The following KANK1 variants were observed in gnomAD, a reference collection of about 807,000 sequenced individuals.
KANK1 encodes the protein KN motif and ankyrin repeat domains 1.
A neutral mutation model predicts 106.2 loss-of-function variants in KANK1; 109 were observed. That is an observed-to-expected ratio of 1.03 (90% CI 0.88 to 1.20). The LOEUF (loss-of-function observed/expected upper bound fraction) is 1.20, where lower values mean the gene tolerates loss of function less well. KANK1 is among the 50% of genes most tolerant of loss of function. KANK1 has a pLI of 0.00. For missense variants in KANK1, 2,399 were observed against 1,710.7 expected (o/e 1.40, Z -7.10); for synonymous variants, 873 against 652.2 (o/e 1.34, Z -5.16).
intron 1 of KANK1, among the ~76,000 whole-genome samples, chr9:620,776 A>C (rs1239344192): frequency 6.6e-6 from 1 of 152,202 alleles, no homozygotes; most frequent in Non-Finnish European, 1.5e-5. Flanking sequence ...TTAAAAAGCC[A>C]ACTTTTAAAA....
chr9:602,855 C>T (rs1472753833), intron 1 of KANK1, among the ~76,000 whole-genome samples: 1 of 151,818 alleles, frequency 6.6e-6, no homozygotes, highest in Non-Finnish European at 1.5e-5. Context: ...CAGCATGACT[C>T]CTTTGTAATT....
chr9:735,332 C>T (rs974918808), intron 7 of KANK1, among the ~76,000 whole-genome samples: 6 of 152,044 alleles, frequency 3.9e-5, no homozygotes, highest in Admixed American at 2.0e-4. Context: ...TAAAAATAAC[C>T]GCACTTGTCA....
intron 3 of KANK1, among the ~76,000 whole-genome samples, chr9:482,849 ATAAT>A (rs748051863): frequency 4.0e-5 from 5 of 125,384 alleles, no homozygotes; most frequent in Non-Finnish European, 6.0e-5. Flanking sequence ...AATTCCAGAA[ATAAT>A]TCATAAATTT....
At chr9:553,446 T>C (rs1435147548) in intron 1 of KANK1, among the ~76,000 whole-genome samples, 1 of 152,052 alleles carries the variant, frequency 6.6e-6, no homozygotes, top group Non-Finnish European at 1.5e-5. Context: ...AGTGGCTGAG[T>C]TTTCTAAGAG....
chr9:666,901 C>CTTTTTTTTTT (rs35149316), intron 1 of KANK1, among the ~76,000 whole-genome samples: 212 of 53,464 alleles, frequency 4.0e-3, no homozygotes, highest in African/African-American at 5.4e-3. Flanking sequence ...CTATTGTTGT[C>CTTTTTTTTTT]TTTTTTTTTT....
chr9:745,437 G>A lies in KANK1; in HGVS notation c.*202G>A, dbSNP rs192429906. 205 of 558,914 alleles carry A rather than the reference G, an allele frequency of 3.7e-4. 3 individuals are homozygous for A. The Admixed American group carries it at 5.7e-3, about 15-fold the overall frequency. 34.6% of individuals were successfully genotyped at this position (558,914 alleles called of 1,614,324 possible). A position where few individuals can be genotyped will look rare whatever the true frequency, so the allele number is the denominator to read the frequency against. ...CACACCTCCTTTCTGGCCGTCTTCT[G>A]TGTAGGGCACACTTTAACCCAGTCT... On this transcript the variant is annotated 3_prime_UTR_variant, in exon 12 of 12. Transcript: ENST00000382297.
At position 711,365 on chromosome 9, in the gene KANK1, T is replaced by G. The variant is rs755098457; in HGVS notation, c.599T>G (p.Val200Gly). 26 of 1,614,034 alleles carry G rather than the reference T, an allele frequency of 1.6e-5. No homozygotes were observed. The highest frequency in any genetic ancestry group is 1.3e-5 in the African/African-American group (1 of 74,918). The change falls in exon 3 of 12, where the codon GTG (valine) becomes GGG (glycine). Residue 200 changes from valine to glycine, a missense_variant. Val to Gly is a moderately radical substitution (Grantham distance 109). Coordinates refer to ENST00000382297, the MANE Select transcript of KANK1 (RefSeq NM_015158.5). ...ACCACAAGCTCCCTCCCTTCTTTTG[T>G]GGGTTCTGGAAACCACAATCCTGCC... The part of the protein sequence containing the change: ...MGTTSSLPSF[V>G]GSGNHNPAKH...
At chr9:590,640 AT>A (rs71314715) in intron 1 of KANK1, among the ~76,000 whole-genome samples, 61 of 146,866 alleles carry the variant, frequency 4.2e-4, no homozygotes, top group African/African-American at 9.4e-4. Flanking sequence ...TCTTCCGGAG[AT>A]TTTTTTTTTT....
chr9:654,816 A>T (rs199733244), intron 1 of KANK1, among the ~76,000 whole-genome samples: 1,544 of 10,856 alleles, frequency 0.14, 14 homozygotes, highest in South Asian at 0.34. Context: ...TGTGTGTGTG[A>T]GAGAGAGAGA....
chr9:517,539 A>G (rs1271202003), intron 1 of KANK1, among the ~76,000 whole-genome samples: 2 of 151,670 alleles, frequency 1.3e-5, no homozygotes, highest in South Asian at 2.1e-4. Context: ...TTCATGGGAA[A>G]ATAGGGAAGC....
At chr9:649,917 C>G (rs905977332) in intron 1 of KANK1, among the ~76,000 whole-genome samples, 2 of 152,138 alleles carry the variant, frequency 1.3e-5, no homozygotes, top group Non-Finnish European at 2.9e-5. Flanking sequence ...TGCGTCATCC[C>G]CGTTGCCCTT....
At chr9:538,798 A>G (rs1416703069) in intron 1 of KANK1, among the ~76,000 whole-genome samples, 1 of 152,236 alleles carries the variant, frequency 6.6e-6, no homozygotes, top group Admixed American at 6.5e-5. Context: ...AAGGGACAAC[A>G]TATTTGTTAC....
Position 643,605 on chromosome 9 carries a change from G to A in KANK1, c.-83-33285G>A, listed in dbSNP as rs1462692965. 4.6e-5 allele frequency among the ~76,000 whole-genome samples: 6 copies of A among 131,790 alleles called. No individual in the cohort carries two copies. The Admixed American group carries it at 5.1e-4, about 11-fold the overall frequency. 86.5% of individuals were successfully genotyped at this position (131,790 alleles called of 152,430 possible). A position where few individuals can be genotyped will look rare whatever the true frequency, so the allele number is the denominator to read the frequency against. ...TCTCTGTGTTGCCCAAGCTGGTCTC[G>A]AACTCCTGGGCCAATCCTCCTGCAT... On this transcript the variant is annotated intron_variant, in intron 1 of 11. Transcript: ENST00000382297.
chr9:716,420 T>C (rs1023870359), intron 3 of KANK1, among the ~76,000 whole-genome samples: 43 of 152,354 alleles, frequency 2.8e-4, no homozygotes, highest in African/African-American at 9.9e-4. Flanking sequence ...AGTGGTCTTT[T>C]GTTTTCAGCC....
At chr9:723,123 G>C (rs1441730172) in intron 3 of KANK1, among the ~76,000 whole-genome samples, 1 of 149,470 alleles carries the variant, frequency 6.7e-6, no homozygotes, top group Non-Finnish European at 1.5e-5. Flanking sequence ...CACAGAGTTG[G>C]AGTAATTAAG....
At chr9:501,907 C>T (rs1013994486), upstream of KANK1, among the ~76,000 whole-genome samples, 2 of 152,128 alleles carry the variant, frequency 1.3e-5, no homozygotes, top group African/African-American at 2.4e-5. Flanking sequence ...CAATCTTTCG[C>T]ATGTTATATT....
chr9:706,617 G>GA (rs1435566179), intron 2 of KANK1, among the ~76,000 whole-genome samples: 3 of 150,042 alleles, frequency 2.0e-5, no homozygotes, highest in Non-Finnish European at 4.4e-5. Context: ...TTCGTATCTG[G>GA]AAAAAGGTTT....
chr9:515,597 A>G (rs2059247405), intron 1 of KANK1, among the ~76,000 whole-genome samples: 1 of 151,914 alleles, frequency 6.6e-6, no homozygotes, highest in South Asian at 2.1e-4. Context: ...TTACTCTTTC[A>G]ACTTTTCTAA....
intron 1 of KANK1, among the ~76,000 whole-genome samples, chr9:611,920 G>A (rs1384291210): frequency 6.6e-6 from 1 of 152,038 alleles, no homozygotes; most frequent in Non-Finnish European, 1.5e-5. Context: ...GGGTTTCACC[G>A]TGTTAGCCAG....
Sources: allele counts gnomAD v4.1 joint callset (sites outside exome capture counted in the v4.1 genomes callset), GRCh38; gene constraint gnomAD v4.1.1; transcripts MANE v1.5; gene names NCBI Gene and HGNC (gene_info 2026-07-23, HGNC 2026-07-21).